Variants in ANO4 observed in about 807,000 individuals in gnomAD.
The protein encoded by ANO4 is anoctamin 4.
A neutral mutation model predicts 141.9 loss-of-function variants in ANO4; 69 were observed. The ratio of observed to expected loss-of-function variants is 0.49; its 90% CI spans 0.40 to 0.59. The LOEUF is 0.59. Ranked by LOEUF, ANO4 falls within the 20% of genes least tolerant of loss-of-function variation. The pLI is 0.00. For missense variants in ANO4, 894 were observed against 1,162.2 expected (o/e 0.77, Z 3.36); for synonymous variants, 350 against 394.3 (o/e 0.89, Z 1.33).
At chr12:101,074,335 T>C (rs968185904) in intron 14 of ANO4, among the ~76,000 whole-genome samples, 1 of 152,188 alleles carries the variant, frequency 6.6e-6, no homozygotes, top group Non-Finnish European at 1.5e-5. Context: ...TGTCATCACT[T>C]TCACGGTCTC....
At chr12:101,057,750 T>C (rs1593149691) in intron 14 of ANO4, among the ~76,000 whole-genome samples, 1 of 152,232 alleles carries the variant, frequency 6.6e-6, no homozygotes, top group African/African-American at 2.4e-5. Context: ...TGCTTGTAGA[T>C]TCTGGATATT....
At chr12:100,788,758 C>T (rs553710273) in intron 3 of ANO4, among the ~76,000 whole-genome samples, 1 of 151,814 alleles carries the variant, frequency 6.6e-6, no homozygotes, top group Non-Finnish European at 1.5e-5. Flanking sequence ...CAGTGAGGAG[C>T]ACAGAAGAAA....
At chr12:100,890,422 G>T (rs915089154) in intron 1 of ANO4, among the ~76,000 whole-genome samples, 4 of 152,094 alleles carry the variant, frequency 2.6e-5, no homozygotes, top group Admixed American at 6.6e-5. Context: ...TAGAATTCTT[G>T]GGTCCAAAGA....
chr12:101,101,890 C>G (rs2050202204), intron 22 of ANO4, among the ~76,000 whole-genome samples: 1 of 152,078 alleles, frequency 6.6e-6, no homozygotes, highest in African/African-American at 2.4e-5. Flanking sequence ...CAAGACCAGC[C>G]TGGCCAATGT....
At chr12:100,775,219 A>C (rs568842412) in intron 3 of ANO4, among the ~76,000 whole-genome samples, 2 of 152,332 alleles carry the variant, frequency 1.3e-5, no homozygotes, top group African/African-American at 4.8e-5. Context: ...AGTCTTTCAA[A>C]CATACAGAAA....
chr12:101,100,005 GA>G lies in ANO4; in HGVS notation c.2149+288del, dbSNP rs200369097. ...CCCAGCCCTATCATTTATTAACGGT[GA>G]AACTTTGGGCAATTACTTAATCTCT... On this transcript the variant is annotated intron_variant, in intron 22 of 27. Transcript: ENST00000392977. Among the ~76,000 whole-genome samples, 152 of 152,244 alleles carry G rather than the reference GA, an allele frequency of 1.0e-3. 2 individuals carry two copies. The East Asian group carries it at 0.021, about 21-fold the overall frequency.
At chr12:100,957,329 G>T (rs2043211905) in intron 5 of ANO4, among the ~76,000 whole-genome samples, 1 of 152,104 alleles carries the variant, frequency 6.6e-6, no homozygotes, top group Admixed American at 6.6e-5. Flanking sequence ...ATTCCTGCAG[G>T]AACAGGTGCA....
chr12:100,895,773 G>T (rs1178794586), intron 1 of ANO4, among the ~76,000 whole-genome samples: 4 of 151,938 alleles, frequency 2.6e-5, no homozygotes, highest in Non-Finnish European at 5.9e-5. Context: ...TGTTGGCCAG[G>T]CTGGCCTCAA....
chr12:101,109,510 G>A (rs763058359), intron 22 of ANO4, among the ~76,000 whole-genome samples: 2 of 152,006 alleles, frequency 1.3e-5, no homozygotes, highest in African/African-American at 2.4e-5. Context: ...GCAGTGAGCC[G>A]AGATCGTGCT....
chr12:100,989,765 G>A (rs1245000335), intron 8 of ANO4, among the ~76,000 whole-genome samples: 1 of 150,246 alleles, frequency 6.7e-6, no homozygotes, highest in East Asian at 2.0e-4. Context: ...ATGGATGGAT[G>A]GATGGATGGA....
At chr12:101,097,366 A>C (rs2050026842) in intron 19 of ANO4, among the ~76,000 whole-genome samples, 3 of 152,164 alleles carry the variant, frequency 2.0e-5, no homozygotes, top group African/African-American at 4.8e-5. Context: ...CTGCTTACAC[A>C]GGTCAGAGCA....
intron 1 of ANO4, among the ~76,000 whole-genome samples, chr12:100,871,380 C>A (rs572247363): frequency 6.6e-6 from 1 of 152,142 alleles, no homozygotes; most frequent in South Asian, 2.1e-4. Context: ...TGTTGGCACC[C>A]TGCAGTTTAC....
At chr12:100,924,892 C>G (rs1211028931) in intron 3 of ANO4, among the ~76,000 whole-genome samples, 1 of 151,920 alleles carries the variant, frequency 6.6e-6, no homozygotes, top group Non-Finnish European at 1.5e-5. Context: ...ATTACCAGAT[C>G]TTAGTAAAGA....
At chr12:100,894,109 G>A (rs2040227296) in intron 1 of ANO4, among the ~76,000 whole-genome samples, 1 of 152,120 alleles carries the variant, frequency 6.6e-6, no homozygotes, top group Admixed American at 6.5e-5. Flanking sequence ...AGTTAACGTG[G>A]CTTTAGACAT....
intron 1 of ANO4, among the ~76,000 whole-genome samples, chr12:100,851,437 T>C (rs570316257): frequency 1.3e-5 from 2 of 152,304 alleles, no homozygotes; most frequent in African/African-American, 4.8e-5. Flanking sequence ...TAAACTATAT[T>C]TCAATGGTCA....
chr12:100,841,903 T>G (rs2037268732), intron 1 of ANO4, among the ~76,000 whole-genome samples: 1 of 152,050 alleles, frequency 6.6e-6, no homozygotes, highest in Admixed American at 6.6e-5. Flanking sequence ...TCTATGACAT[T>G]TTTGGACTTG....
chr12:100,877,146 G>T (rs1406551796), intron 1 of ANO4, among the ~76,000 whole-genome samples: 1 of 152,244 alleles, frequency 6.6e-6, no homozygotes, highest in East Asian at 1.9e-4. Flanking sequence ...GAGAGCTGTT[G>T]TTCAACGGGC....
chr12:100,780,108 C>T (rs2033667574), intron 3 of ANO4, among the ~76,000 whole-genome samples: 2 of 152,024 alleles, frequency 1.3e-5, no homozygotes, highest in Non-Finnish European at 2.9e-5. Flanking sequence ...ACTGCAGCCT[C>T]GAAATCCTGG....
rs1197213024 is a variant in ANO4, at chr12:101,116,665, G to A, written c.2451-14G>A. On this transcript the variant is annotated splice_polypyrimidine_tract_variant and intron_variant, in intron 24 of 27. Coordinates refer to ENST00000392977, the MANE Select transcript of ANO4 (RefSeq NM_001286615.2). The stretch of plus-strand genomic sequence containing the variant: ...GATGAGTGTTCTAATGGTAGAATGT[G>A]CCTCCTCTTATAGGTGCATGGTTGG... The A allele has an allele frequency of 6.2e-7, 1 of 1,614,120 alleles. No homozygotes were observed.
Sources: allele counts gnomAD v4.1 joint callset (sites outside exome capture counted in the v4.1 genomes callset), GRCh38; gene constraint gnomAD v4.1.1; transcripts MANE v1.5; gene names NCBI Gene and HGNC (gene_info 2026-07-23, HGNC 2026-07-21).